Variants in MVB12B observed in about 807,000 individuals in gnomAD.
The protein encoded by MVB12B is ESCRT-I complex subunit MVB12B.
A neutral mutation model predicts 41.6 loss-of-function variants in MVB12B; 16 were observed. That is an observed-to-expected ratio of 0.38 (90% CI 0.26 to 0.58). The LOEUF is 0.58. Ranked by LOEUF, MVB12B falls within the 20% of genes least tolerant of loss-of-function variation. The probability of loss-of-function intolerance (pLI) is 0.62; values close to 1 mark genes in which losing one functional copy is unlikely to be tolerated. For missense variants in MVB12B, 274 were observed against 380.2 expected (o/e 0.72, Z 2.32); for synonymous variants, 133 against 139.7 (o/e 0.95, Z 0.34).
At chr9:126,469,260 C>T (rs1833263483) in intron 7 of MVB12B, among the ~76,000 whole-genome samples, 2 of 152,206 alleles carry the variant, frequency 1.3e-5, no homozygotes, top group African/African-American at 4.8e-5. Context: ...CGGCAGGACC[C>T]CAGGCACTGT....
At position 126,459,390 on chromosome 9, in the gene MVB12B, G is replaced by A. The variant is rs182212693; in HGVS notation, c.758-21979G>A. Among the ~76,000 whole-genome samples the A allele has an allele frequency of 1.7e-4, 26 of 152,326 alleles. No homozygotes were observed. The East Asian group carries it at 3.7e-3, about 21-fold the overall frequency. On this transcript the variant is annotated intron_variant, in intron 7 of 9. Transcript: ENST00000361171. This position sits in a 1 kb window ranked among gnomAD's most constrained non-coding sequence, Gnocchi z 4.3. ...GGTGCTTGGCACAAAGTCCAAAGCCGTCTCCAAGACGCAGCTGCATCACTG... is the reference window on the plus strand; with the variant it reads ...GGTGCTTGGCACAAAGTCCAAAGCCATCTCCAAGACGCAGCTGCATCACTG...
At chr9:126,461,418 G>T (rs936864646) in intron 7 of MVB12B, among the ~76,000 whole-genome samples, 4 of 152,146 alleles carry the variant, frequency 2.6e-5, no homozygotes, top group Non-Finnish European at 5.9e-5. Flanking sequence ...AGCAGATGTT[G>T]TGCTGTGAGC....
Position 126,478,354 on chromosome 9 carries a change from G to A in MVB12B, c.758-3015G>A, listed in dbSNP as rs1166569920. On this transcript the variant is annotated intron_variant, in intron 7 of 9. Coordinates refer to ENST00000361171, the MANE Select transcript of MVB12B (RefSeq NM_033446.3). The surrounding 1 kb of genome is among the most constrained non-coding windows in gnomAD (Gnocchi z 4.2). Reference sequence around the variant, plus strand: ...CCTCTACCCAGTTCCCCAGATCCCCGTGCATGGGAACAGCAGCCCTCCCTG... The same window carrying A: ...CCTCTACCCAGTTCCCCAGATCCCCATGCATGGGAACAGCAGCCCTCCCTG... 6.6e-6 allele frequency among the ~76,000 whole-genome samples: 1 copy of A among 152,048 alleles called. No individual in the cohort carries two copies. The highest frequency in any genetic ancestry group is 1.5e-5 in the Non-Finnish European group (1 of 67,998).
intron 7 of MVB12B, among the ~76,000 whole-genome samples, chr9:126,467,954 A>G (rs748554829): frequency 6.6e-6 from 1 of 152,212 alleles, no homozygotes; most frequent in Non-Finnish European, 1.5e-5. Flanking sequence ...AGAGAAATGT[A>G]TGCACACATG....
chr9:126,381,745 T>A (rs187611540), intron 3 of MVB12B, among the ~76,000 whole-genome samples: 205 of 152,228 alleles, frequency 1.3e-3, no homozygotes, highest in Non-Finnish European at 2.4e-3. Context: ...GGTTTTTTTT[T>A]TAAAAACATC....
chr9:126,381,039 C>G (rs1200410385), intron 2 of MVB12B, 25 bp from the exon 3 acceptor site: 2 of 1,602,156 alleles, frequency 1.2e-6, no homozygotes, highest in Admixed American at 3.3e-5. Flanking sequence ...TACCTGCAAT[C>G]CTTTTCTCTG....
intron 7 of MVB12B, among the ~76,000 whole-genome samples, chr9:126,457,553 C>A (rs1323420530): frequency 6.6e-6 from 1 of 152,002 alleles, no homozygotes; most frequent in Admixed American, 6.6e-5. Context: ...TTTGGGGGTA[C>A]CTGTATGTTG....
chr9:126,427,583 A>G (rs760486561), intron 7 of MVB12B, among the ~76,000 whole-genome samples: 2 of 152,250 alleles, frequency 1.3e-5, no homozygotes, highest in Admixed American at 1.3e-4. Context: ...TCTATCTCCA[A>G]GTGCACAGTT....
intron 1 of MVB12B, among the ~76,000 whole-genome samples, chr9:126,327,638 GAGCTGA>G (rs1829019482): frequency 2.0e-5 from 3 of 152,160 alleles, no homozygotes; most frequent in Non-Finnish European, 4.4e-5. Context: ...GCTGGGACAA[GAGCTGA>G]GGCATGGCAC....
chr9:126,448,085 G>C (rs1832821723), intron 7 of MVB12B: 1 of 152,538 alleles, frequency 6.6e-6, no homozygotes, highest in Admixed American at 6.5e-5. Context: ...CCACCAAAGA[G>C]AGCCCTCCTG....
chr9:126,352,809 G>T (rs1829788753), intron 2 of MVB12B, among the ~76,000 whole-genome samples: 1 of 152,226 alleles, frequency 6.6e-6, no homozygotes, highest in South Asian at 2.1e-4. Flanking sequence ...GAGTTAGCCA[G>T]AGAATCTGTT....
At chr9:126,342,706 A>G (rs1324995639) in intron 2 of MVB12B, among the ~76,000 whole-genome samples, 1 of 152,292 alleles carries the variant, frequency 6.6e-6, no homozygotes, top group South Asian at 2.1e-4. Flanking sequence ...CTGTGTGCAG[A>G]TAAGCGTCTC....
intron 2 of MVB12B, among the ~76,000 whole-genome samples, chr9:126,365,729 A>G (rs949681609): frequency 6.6e-6 from 1 of 152,152 alleles, no homozygotes; most frequent in Non-Finnish European, 1.5e-5. Context: ...TTATAAATCC[A>G]CTTTCCTGGG....
rs78591849 is a variant in MVB12B, at chr9:126,401,953, C to T, written c.662+6256C>T. 8.4e-3 allele frequency among the ~76,000 whole-genome samples: 1,283 copies of T among 152,358 alleles called. 37 individuals are homozygous for T. The highest frequency in any genetic ancestry group is 0.055 in the East Asian group (286 of 5,190). On this transcript the variant is annotated intron_variant, in intron 6 of 9. Transcript: ENST00000361171. ...GGCCCTTGTACCCCAGATGACATGT[C>T]ACCTGTCCTGTTGTTGCAGGACTTG...
At chr9:126,335,028 C>T (rs181000974) in intron 1 of MVB12B, among the ~76,000 whole-genome samples, 56 of 152,248 alleles carry the variant, frequency 3.7e-4, no homozygotes, top group East Asian at 1.5e-3. Context: ...TGAATACACA[C>T]GTGCATACAC....
intron 2 of MVB12B, among the ~76,000 whole-genome samples, chr9:126,346,047 G>A (rs1829577207): frequency 6.6e-6 from 1 of 152,210 alleles, no homozygotes; most frequent in Admixed American, 6.5e-5. Flanking sequence ...GGTGAGACCA[G>A]ATCATAGCCA....
At chr9:126,369,151 C>T (rs2118918836) in intron 2 of MVB12B, among the ~76,000 whole-genome samples, 1 of 152,268 alleles carries the variant, frequency 6.6e-6, no homozygotes, top group Middle Eastern at 3.4e-3. Context: ...AATAAAAATA[C>T]AGGATGAACA....
intron 6 of MVB12B, among the ~76,000 whole-genome samples, chr9:126,398,973 C>G (rs1831194727): frequency 6.6e-6 from 1 of 152,240 alleles, no homozygotes; most frequent in African/African-American, 2.4e-5. Flanking sequence ...ACCTGAGGAC[C>G]TCGTGGTTCT....
At chr9:126,434,466 G>A (rs1832417028) in intron 7 of MVB12B, among the ~76,000 whole-genome samples, 1 of 152,162 alleles carries the variant, frequency 6.6e-6, no homozygotes, top group African/African-American at 2.4e-5. Flanking sequence ...ATCCACTGGC[G>A]AGGCAACATC....
Sources: allele counts gnomAD v4.1 joint callset (sites outside exome capture counted in the v4.1 genomes callset), GRCh38; gene constraint gnomAD v4.1.1; non-coding constraint Gnocchi (gnomAD v3.1); transcripts MANE v1.5; gene names NCBI Gene and HGNC (gene_info 2026-07-23, HGNC 2026-07-21).